The following GRM7 variants were observed in gnomAD, a reference collection of about 807,000 sequenced individuals.
GRM7 encodes the protein metabotropic glutamate receptor 7.
Under a neutral mutation model 84.5 loss-of-function variants are expected in GRM7, and 35 were observed. The observed-to-expected ratio is 0.41, with a 90% CI of 0.32 to 0.55. The LOEUF (loss-of-function observed/expected upper bound fraction) is 0.55. Ranked by LOEUF, GRM7 falls within the 20% of genes least tolerant of loss-of-function variation. GRM7 has a pLI of 0.19. For missense variants in GRM7, 1,003 were observed against 1,194.6 expected (o/e 0.84, Z 2.36); for synonymous variants, 487 against 455.1 (o/e 1.07, Z -0.89).
At chr3:7,460,857 A>T (rs73117425) in intron 6 of GRM7, among the ~76,000 whole-genome samples, 2 of 152,226 alleles carry the variant, frequency 1.3e-5, no homozygotes, top group Admixed American at 6.5e-5. Flanking sequence ...AGATATAGAT[A>T]TAGGTATATA....
intron 7 of GRM7, among the ~76,000 whole-genome samples, chr3:7,572,848 ATATATATATATATATATATATATATATAT>A (rs1559411808): frequency 4.1e-5 from 1 of 24,544 alleles, no homozygotes; most frequent in African/African-American, 1.3e-4. Context: ...ATATATATAT[ATATATATATATATATATATATATATATAT>A]ATAAATAATC....
chr3:7,506,135 C>T (rs1264706139), intron 7 of GRM7, among the ~76,000 whole-genome samples: 1 of 152,188 alleles, frequency 6.6e-6, no homozygotes, highest in African/African-American at 2.4e-5. Flanking sequence ...ATTTATCACT[C>T]TTAAATTCTG....
intron 7 of GRM7, among the ~76,000 whole-genome samples, chr3:7,523,976 C>T (rs899011252): frequency 6.6e-6 from 1 of 151,998 alleles, no homozygotes; most frequent in East Asian, 1.9e-4. Context: ...CTCCAAAAAG[C>T]ATCAAAAAGC....
chr3:7,414,166 CT>C (rs1559305329), intron 4 of GRM7, among the ~76,000 whole-genome samples: 1 of 152,070 alleles, frequency 6.6e-6, no homozygotes, highest in South Asian at 2.1e-4. Flanking sequence ...TAAGGGAAAA[CT>C]TTGAATAATT....
intron 4 of GRM7, among the ~76,000 whole-genome samples, chr3:7,352,057 CCACACACACACACACACACACACA>C (rs56873432): frequency 7.3e-6 from 1 of 136,894 alleles, no homozygotes; most frequent in Admixed American, 7.4e-5. Flanking sequence ...CACACACACA[CCACACACACACACACACACACACA>C]CACACACACA....
intron 1 of GRM7, among the ~76,000 whole-genome samples, chr3:6,929,415 G>A (rs1198157981): frequency 6.6e-6 from 1 of 152,192 alleles, no homozygotes; most frequent in Non-Finnish European, 1.5e-5. Flanking sequence ...CCAGAAACTA[G>A]TGAAAGGTAT....
At chr3:7,269,965 T>C (rs368304295) in intron 2 of GRM7, among the ~76,000 whole-genome samples, 22 of 152,168 alleles carry the variant, frequency 1.4e-4, no homozygotes, top group African/African-American at 4.8e-4. Flanking sequence ...TACACGTCCT[T>C]TAGATTAATA....
chr3:7,201,769 C>A (rs1254930814), intron 2 of GRM7, among the ~76,000 whole-genome samples: 1 of 147,124 alleles, frequency 6.8e-6, no homozygotes, highest in Non-Finnish European at 1.5e-5. Context: ...AGAATTTTCA[C>A]CCTGTCTGAT....
intron 1 of GRM7, among the ~76,000 whole-genome samples, chr3:6,878,378 CGTGTGTGTGTGTGTGTGTGT>C (rs34132725): frequency 5.6e-5 from 8 of 141,968 alleles, no homozygotes; most frequent in South Asian, 2.3e-4. Context: ...TATGTGTTTG[CGTGTGTGTGTGTGTGTGTGT>C]GTGTGTGTGT....
At chr3:7,446,443 T>G (rs1697510574) in intron 5 of GRM7, among the ~76,000 whole-genome samples, 1 of 149,876 alleles carries the variant, frequency 6.7e-6, no homozygotes, top group African/African-American at 2.4e-5. Context: ...TTGTTGTTTT[T>G]GGTCTTGTTT....
At chr3:7,139,297 A>G (rs1040349914) in intron 1 of GRM7, among the ~76,000 whole-genome samples, 1 of 151,764 alleles carries the variant, frequency 6.6e-6, no homozygotes, top group East Asian at 1.9e-4. Flanking sequence ...TTCTACAATG[A>G]TATTAGAATG....
chr3:7,391,255 T>A (rs1176865811), intron 4 of GRM7, among the ~76,000 whole-genome samples: 1 of 151,944 alleles, frequency 6.6e-6, no homozygotes, highest in African/African-American at 2.4e-5. Context: ...CACTTAGGAG[T>A]AAGAGCTTGT....
intron 7 of GRM7, among the ~76,000 whole-genome samples, chr3:7,500,909 C>T (rs1287431635): frequency 6.6e-6 from 1 of 152,174 alleles, no homozygotes; most frequent in East Asian, 1.9e-4. Context: ...TCCAGATATC[C>T]CACATCATGA....
chr3:7,409,822 G>T (rs1369350492), intron 4 of GRM7, among the ~76,000 whole-genome samples: 1 of 151,974 alleles, frequency 6.6e-6, no homozygotes, highest in Non-Finnish European at 1.5e-5. Context: ...GGATGGTCTC[G>T]ATCTCCTGAC....
At chr3:7,331,292 G>C (rs148855156) in intron 4 of GRM7, among the ~76,000 whole-genome samples, 2 of 152,164 alleles carry the variant, frequency 1.3e-5, no homozygotes, top group Non-Finnish European at 1.5e-5. Flanking sequence ...GTGTCTGAAA[G>C]GGTGATCAAA....
intron 7 of GRM7, among the ~76,000 whole-genome samples, chr3:7,541,635 C>T (rs944580636): frequency 6.6e-6 from 1 of 152,180 alleles, no homozygotes; most frequent in African/African-American, 2.4e-5. Flanking sequence ...ACCTAACTGG[C>T]CCTTTCTCTC....
chr3:7,521,318 C>T (rs954618124), intron 7 of GRM7, among the ~76,000 whole-genome samples: 2 of 152,122 alleles, frequency 1.3e-5, no homozygotes, highest in African/African-American at 4.8e-5. Flanking sequence ...ATGTTTGTAT[C>T]CCCTTAAAAT....
chr3:7,326,335 G>A (rs531403642), intron 4 of GRM7, among the ~76,000 whole-genome samples: 5 of 152,056 alleles, frequency 3.3e-5, no homozygotes, highest in South Asian at 2.1e-4. Flanking sequence ...TAGGTGGGAC[G>A]GCAGGTGAGT....
intron 1 of GRM7, among the ~76,000 whole-genome samples, chr3:6,994,909 A>G (rs1236046922): frequency 1.3e-5 from 2 of 152,210 alleles, no homozygotes; most frequent in Non-Finnish European, 2.9e-5. Flanking sequence ...TGGATGTACC[A>G]CAGCTATTTC....
Sources: allele counts gnomAD v4.1 joint callset (sites outside exome capture counted in the v4.1 genomes callset), GRCh38; gene constraint gnomAD v4.1.1; transcripts MANE v1.5; gene names NCBI Gene and HGNC (gene_info 2026-07-23, HGNC 2026-07-21).